The following CLDN10 variants were observed in gnomAD, a reference collection of about 807,000 sequenced individuals.
The protein encoded by CLDN10 is claudin 10, also known as claudin-10.
Under a neutral mutation model 22.9 loss-of-function variants are expected in CLDN10, and 15 were observed. The ratio of observed to expected loss-of-function variants is 0.65; its 90% CI spans 0.44 to 1.01. The LOEUF (loss-of-function observed/expected upper bound fraction) is 1.01, where lower values mean the gene tolerates loss of function less well. Among genes scored for constraint, CLDN10 ranks in the 50% least tolerant of loss-of-function variants. CLDN10 has a pLI of 0.00. For missense variants in CLDN10, 247 were observed against 287.8 expected (o/e 0.86, Z 1.03); for synonymous variants, 114 against 111.4 (o/e 1.02, Z -0.15).
At chr13:95,534,255 T>C (rs564007155) in intron 1 of CLDN10, among the ~76,000 whole-genome samples, 3 of 152,292 alleles carry the variant, frequency 2.0e-5, no homozygotes, top group Middle Eastern at 3.4e-3. Context: ...GTCTTTTTTT[T>C]CCTTCAAATA....
chr13:95,457,530 G>A (rs78446689), intron 1 of CLDN10, among the ~76,000 whole-genome samples: 13,492 of 151,998 alleles, frequency 0.089, 865 homozygotes, highest in South Asian at 0.22. Flanking sequence ...ACTGATGTAG[G>A]GGGATTCCCT....
chr13:95,456,707 T>C (rs1309670005), intron 1 of CLDN10, among the ~76,000 whole-genome samples: 2 of 152,138 alleles, frequency 1.3e-5, no homozygotes, highest in South Asian at 2.1e-4. Context: ...CAGTGAACTG[T>C]CATCATGCCA....
chr13:95,492,539 G>A (rs1245990371), intron 1 of CLDN10, among the ~76,000 whole-genome samples: 1 of 152,136 alleles, frequency 6.6e-6, no homozygotes, highest in Non-Finnish European at 1.5e-5. Context: ...CCTCGAGTCT[G>A]TTTCCTGGTG....
rs2043985190 is a variant in CLDN10, at chr13:95,579,506, T to C, written c.*1492T>C. ...GCTTAAATAATTTGCCACAGTAATG[T>C]CGAAACTAGGCCTTTGAACCAAGGC... On this transcript the variant is annotated 3_prime_UTR_variant, in exon 5 of 5. Coordinates refer to ENST00000299339, the MANE Select transcript of CLDN10 (RefSeq NM_006984.5). The C allele has an allele frequency of 6.6e-6, 1 of 152,192 alleles. No individual in the cohort carries two copies. The highest frequency in any genetic ancestry group is 2.4e-5 in the African/African-American group (1 of 41,444). 9.4% of individuals were successfully genotyped at this position (152,192 alleles called of 1,614,324 possible).
intron 3 of CLDN10, among the ~76,000 whole-genome samples, chr13:95,569,699 G>A (rs1463933284): frequency 6.6e-6 from 1 of 152,224 alleles, no homozygotes; most frequent in Non-Finnish European, 1.5e-5. Context: ...ATTTAAAGTT[G>A]TCAACTGGAT....
chr13:95,519,423 A>G (rs547375931), intron 1 of CLDN10, among the ~76,000 whole-genome samples: 1 of 152,362 alleles, frequency 6.6e-6, no homozygotes, highest in South Asian at 2.1e-4. Context: ...AGGTCTGTTC[A>G]TTTTAACAGA....
At chr13:95,462,527 G>A (rs9590276) in intron 1 of CLDN10, among the ~76,000 whole-genome samples, 2,006 of 152,306 alleles carry the variant, frequency 0.013, 57 homozygotes, top group African/African-American at 0.046. Flanking sequence ...CAGGACCTAG[G>A]GTGGGCACAG....
chr13:95,573,155 T>C (rs1594623222), intron 3 of CLDN10, among the ~76,000 whole-genome samples: 1 of 152,376 alleles, frequency 6.6e-6, no homozygotes, highest in South Asian at 2.1e-4. Context: ...TAAGTGGTTA[T>C]CTGTGTTTTA....
At chr13:95,467,675 G>T (rs989642827) in intron 1 of CLDN10, among the ~76,000 whole-genome samples, 3 of 152,200 alleles carry the variant, frequency 2.0e-5, no homozygotes. Flanking sequence ...AAGAAAGAGA[G>T]AGAAAGAAGG....
intron 1 of CLDN10, among the ~76,000 whole-genome samples, chr13:95,457,498 CCTTGTACTTGGT>C (rs141455963): frequency 0.09 from 13,628 of 152,072 alleles, 860 homozygotes; most frequent in South Asian, 0.22. Flanking sequence ...ATCTGTTTGA[CCTTGTACTTGGT>C]GAATCACATA....
intron 3 of CLDN10, among the ~76,000 whole-genome samples, chr13:95,575,716 G>A (rs1426434080): frequency 2.0e-5 from 3 of 152,182 alleles, no homozygotes; most frequent in Non-Finnish European, 2.9e-5. Flanking sequence ...TCCAGGGCAG[G>A]AGGGGCTTCC....
intron 1 of CLDN10, among the ~76,000 whole-genome samples, chr13:95,536,432 GAGCAAGACTCTGTCTCAAA>G (rs1386903127): frequency 6.6e-6 from 1 of 152,140 alleles, no homozygotes; most frequent in Non-Finnish European, 1.5e-5. Context: ...CCAGGCGACA[GAGCAAGACTCTGTCTCAAA>G]AAAAGAAAAA....
At position 95,578,103 on chromosome 13, in the gene CLDN10, A is replaced by C; in HGVS notation, c.*89A>C. ...CCATCAAGGCCCTCCCATAATTAAC[A>C]CTCAAAACTATTTTTAAAATATGCA... On this transcript the variant is annotated 3_prime_UTR_variant, in exon 5 of 5. Transcript: ENST00000299339. 1.5e-6 allele frequency: 1 copy of C among 650,864 alleles called. No individual in the cohort carries two copies. The highest frequency in any genetic ancestry group is 3.0e-5 in the Admixed American group (1 of 33,094). The allele number at this position is 650,864 out of a possible 1,614,324, so 40.3% of individuals were successfully genotyped here.
chr13:95,446,777 G>C (rs2042384188), intron 1 of CLDN10, among the ~76,000 whole-genome samples: 1 of 152,124 alleles, frequency 6.6e-6, no homozygotes, highest in African/African-American at 2.4e-5. Flanking sequence ...AGGAGGTAGA[G>C]GTTGCAGTGA....
intron 1 of CLDN10, among the ~76,000 whole-genome samples, chr13:95,491,975 G>A (rs1370271168): frequency 6.6e-6 from 1 of 152,144 alleles, no homozygotes; most frequent in Non-Finnish European, 1.5e-5. Flanking sequence ...CCAGCTCCAG[G>A]CTGGTACTGG....
chr13:95,473,239 C>A (rs1030915682), intron 1 of CLDN10, among the ~76,000 whole-genome samples: 3 of 150,468 alleles, frequency 2.0e-5, no homozygotes. Flanking sequence ...ACTAACAACA[C>A]AATTGAGAGC....
rs370816632 is a variant in CLDN10, at chr13:95,475,142, G to A, written c.214+41095G>A. Among the ~76,000 whole-genome samples, 147 of 132,382 alleles carry A rather than the reference G, an allele frequency of 1.1e-3. 6 individuals carry two copies. The South Asian group carries it at 0.034, about 31-fold the overall frequency. 86.8% of individuals were successfully genotyped at this position (132,382 alleles called of 152,430 possible). On this transcript the variant is annotated intron_variant, in intron 1 of 4. Coordinates refer to the CLDN10 transcript ENST00000376873. ...GAAGTAGGAGCACACACCCAGTGCT[G>A]TCCCACAACTCGGATCAGAGGATCA...
rs372438927 is a variant in CLDN10, at chr13:95,577,907, T to C, written c.580T>C (p.Tyr194His). Residue 194 changes from tyrosine (Y) to histidine (H), a missense_variant, in exon 5 of 5, where the codon TAC becomes CAC. Physicochemically the swap from Tyr to His is moderately conservative, Grantham distance 83. Coordinates refer to ENST00000299339, the MANE Select transcript of CLDN10 (RefSeq NM_006984.5). ...SDNNKTPRYT[Y>H]NGATSVMSSR... The stretch of plus-strand genomic sequence containing the variant: ...CTATGTTTTACCTTTCAGATACACA[T>C]ACAACGGGGCCACATCTGTCATGTC... The C allele has an allele frequency of 8.1e-6, 13 of 1,610,710 alleles. No homozygotes were observed. Among genetic ancestry groups the C allele is most frequent in the Non-Finnish European group, 1.1e-5 (13 of 1,177,506 alleles).
At chr13:95,435,163 T>C (rs980588029) in intron 1 of CLDN10, among the ~76,000 whole-genome samples, 1 of 152,222 alleles carries the variant, frequency 6.6e-6, no homozygotes, top group Non-Finnish European at 1.5e-5. Flanking sequence ...TGTCATTTGC[T>C]TTCCTGTCAT....
Sources: gnomAD v4.1 joint callset for allele counts (sites outside exome capture counted in the v4.1 genomes callset) on GRCh38, gnomAD v4.1.1 for gene constraint, MANE v1.5 for transcripts, NCBI Gene and HGNC (gene_info 2026-07-23, HGNC 2026-07-21) for gene names.